CFAP47: variants seen among roughly 807,000 people sequenced by gnomAD.
The protein encoded by CFAP47 is cilia and flagella associated protein 47.
CFAP47 carries 29 observed loss-of-function variants against 148.1 expected under a neutral mutation model. That is an observed-to-expected ratio of 0.20 (90% CI 0.15 to 0.27). The LOEUF is 0.27. Among genes scored for constraint, CFAP47 ranks in the 10% least tolerant of loss-of-function variants. The pLI is 1.00. For synonymous variants in CFAP47, 664 were observed against 577.3 expected (o/e 1.15, Z -2.15); for missense variants, 1,872 against 1,697.5 (o/e 1.10, Z -1.81).
At chrX:35,946,679 T>C (rs1331784439) in intron 3 of CFAP47, among the ~76,000 whole-genome samples, 1 of 112,404 alleles carries the variant, frequency 8.9e-6, no homozygotes, top group Non-Finnish European at 1.9e-5. Flanking sequence ...CATTTTGTTT[T>C]CCTAAATTAA....
intron 32 of CFAP47, 44 bp downstream of exon 32, chrX:36,099,923 T>C: frequency 1.5e-6 from 1 of 682,060 alleles, no homozygotes; most frequent in Non-Finnish European, 2.3e-6. Context: ...TTGATTAATA[T>C]GAATCATATG....
chrX:36,214,582 T>G (rs1445039537), intron 45 of CFAP47, among the ~76,000 whole-genome samples: 1 of 111,922 alleles, frequency 8.9e-6, no homozygotes, highest in Non-Finnish European at 1.9e-5. Flanking sequence ...AATATTTTCT[T>G]TCTTTATATC....
At chrX:36,063,798 T>A (rs1462243888) in intron 26 of CFAP47, among the ~76,000 whole-genome samples, 1 of 111,909 alleles carries the variant, frequency 8.9e-6, no homozygotes, top group Non-Finnish European at 1.9e-5. Flanking sequence ...GTAAGAGAAG[T>A]AGAAGAGGGA....
At chrX:35,926,276 A>G (rs1016390577) in intron 2 of CFAP47, 108 bp downstream of exon 2, 27 of 540,016 alleles carry the variant, frequency 5.0e-5, no homozygotes, top group Non-Finnish European at 7.2e-5. Flanking sequence ...TGACAGTTGA[A>G]CTTAAAGGAC....
chrX:36,112,417 T>A (rs886896686), intron 33 of CFAP47, among the ~76,000 whole-genome samples: 1 of 111,791 alleles, frequency 8.9e-6, no homozygotes, highest in Admixed American at 9.6e-5. Flanking sequence ...TGGTTTTGAG[T>A]GAATTTTTAA....
In CFAP47 at chrX:36,236,480, G is replaced by T. The variant is rs1403874878; in HGVS notation, c.7159-206G>T. On this transcript the variant is annotated intron_variant, in intron 47 of 63. Transcript: ENST00000378653. ...TATATACACTCTGTAATTTAGCAAG[G>T]GTAATCAGAAATAAATGACTTTTCA... Among the ~76,000 whole-genome samples, 7 of 111,892 alleles carry T rather than the reference G, an allele frequency of 6.3e-5. No homozygotes were observed. In the South Asian group the frequency reaches 2.6e-3, roughly 41 times the overall value.
intron 39 of CFAP47, among the ~76,000 whole-genome samples, chrX:36,166,255 G>A (rs1435104687): frequency 1.8e-5 from 2 of 109,791 alleles, no homozygotes; most frequent in Admixed American, 1.9e-4. Flanking sequence ...TTAATGGTGT[G>A]CCTACCATAC....
intron 19 of CFAP47, among the ~76,000 whole-genome samples, chrX:35,997,670 A>G (rs898431534): frequency 2.7e-5 from 3 of 111,494 alleles, no homozygotes; most frequent in Non-Finnish European, 5.7e-5. Flanking sequence ...CCTGTCCCTT[A>G]TAAGAGATAA....
chrX:36,380,197 G>A (rs1299904136), intron 63 of CFAP47, among the ~76,000 whole-genome samples: 2 of 112,129 alleles, frequency 1.8e-5, no homozygotes, highest in African/African-American at 6.5e-5. Context: ...TGGCACACAA[G>A]CATGTTGTCA....
In CFAP47 at chrX:36,309,413, C is replaced by A. The variant is rs191683163; in HGVS notation, c.8188-1420C>A. Among the ~76,000 whole-genome samples, 257 of 111,153 alleles carry A rather than the reference C, an allele frequency of 2.3e-3. 1 individual carries two copies. The highest frequency in any genetic ancestry group is 3.5e-3 in the Non-Finnish European group (185 of 52,603). On this transcript the variant is annotated intron_variant, in intron 55 of 63. Coordinates refer to ENST00000378653, the MANE Select transcript of CFAP47 (RefSeq NM_001304548.2). Reference sequence around the variant, plus strand: ...CACTTGTTTTCTCTTTCAGAAATATCAAAATTGTATCTTTAAAAGTTTTAA... The same window carrying A: ...CACTTGTTTTCTCTTTCAGAAATATAAAAATTGTATCTTTAAAAGTTTTAA...
intron 39 of CFAP47, 124 bp from the exon 40 acceptor site, chrX:36,179,221 T>C (rs752361475): frequency 1.8e-5 from 5 of 270,985 alleles, no homozygotes; most frequent in African/African-American, 1.4e-4. Flanking sequence ...TTTTTTAAAC[T>C]GTAGTTTATT....
intron 56 of CFAP47, among the ~76,000 whole-genome samples, chrX:36,318,509 C>A (rs1234636503): frequency 8.9e-6 from 1 of 111,785 alleles, no homozygotes; most frequent in Non-Finnish European, 1.9e-5. Flanking sequence ...CATATACTTT[C>A]ATATATTTTA....
intron 33 of CFAP47, among the ~76,000 whole-genome samples, chrX:36,128,005 G>C (rs764577948): frequency 1.8e-5 from 2 of 110,716 alleles, no homozygotes; most frequent in Admixed American, 9.7e-5. Flanking sequence ...CGAGACGATG[G>C]GGTTTTCTAA....
Position 36,230,429 on chromosome X carries a change from C to T in CFAP47, c.7014+1605C>T, listed in dbSNP as rs1170704950. Among the ~76,000 whole-genome samples, 17 of 108,670 alleles carry T rather than the reference C, an allele frequency of 1.6e-4. 1 individual carries two copies. The East Asian group carries it at 3.8e-3, about 24-fold the overall frequency. The allele number at this position is 108,670 out of a possible 115,157, so 94.4% of individuals were successfully genotyped here. ...TCTTCTTTTGAGAAGTGTCTGTTCACGTCCTTCACCCACTTTTTGATGGGG... is the reference window on the plus strand; with the variant it reads ...TCTTCTTTTGAGAAGTGTCTGTTCATGTCCTTCACCCACTTTTTGATGGGG... On this transcript the variant is annotated intron_variant, in intron 46 of 63. Transcript: ENST00000378653.
intron 45 of CFAP47, among the ~76,000 whole-genome samples, chrX:36,224,122 A>T (rs782169712): frequency 1.1e-4 from 12 of 111,686 alleles, no homozygotes; most frequent in African/African-American, 3.9e-4. Context: ...GATGGCTTTC[A>T]GTTTTAAAAT....
intron 56 of CFAP47, among the ~76,000 whole-genome samples, chrX:36,314,679 CTATCTATCTATCATCTATCTATT>C (rs1207608693): frequency 2.7e-5 from 3 of 111,426 alleles, no homozygotes; most frequent in African/African-American, 9.8e-5. Flanking sequence ...ATCTATCTGC[CTATCTATCTATCATCTATCTATT>C]TATCTATCTA....
intron 24 of CFAP47, 89 bp from the exon 25 acceptor site, chrX:36,038,895 C>T (rs1345225457): frequency 4.7e-6 from 2 of 425,518 alleles, no homozygotes; most frequent in African/African-American, 5.2e-5. Flanking sequence ...CATCATCGTA[C>T]ATTTTGAAAT....
chrX:36,331,460 A>T (rs1231496566), intron 57 of CFAP47, among the ~76,000 whole-genome samples: 2 of 110,940 alleles, frequency 1.8e-5, no homozygotes, highest in African/African-American at 6.5e-5. Flanking sequence ...CCAACTATAA[A>T]TTCTCTCCTG....
chrX:35,949,345 C>G (rs1051627591), intron 4 of CFAP47, among the ~76,000 whole-genome samples: 7 of 110,930 alleles, frequency 6.3e-5, no homozygotes, highest in Admixed American at 1.9e-4. Flanking sequence ...GAAAGGTCCT[C>G]CTAGTGGCAG....
Sources: allele counts gnomAD v4.1 joint callset (sites outside exome capture counted in the v4.1 genomes callset), GRCh38; gene constraint gnomAD v4.1.1; transcripts MANE v1.5; gene names NCBI Gene and HGNC (gene_info 2026-07-23, HGNC 2026-07-21).